CHD8: variants seen among roughly 807,000 people sequenced by gnomAD.
The protein encoded by CHD8 is ATP-dependent chromatin remodeler CHD8.
Under a neutral mutation model 279.2 loss-of-function variants are expected in CHD8, and 31 were observed. The ratio of observed to expected loss-of-function variants is 0.11; its 90% CI spans 0.08 to 0.15. CHD8 has a LOEUF of 0.15. Among genes scored for constraint, CHD8 ranks in the 10% least tolerant of loss-of-function variants. The pLI, the probability that CHD8 is intolerant of heterozygous loss-of-function variation, is 1.00. For synonymous variants in CHD8, 1,081 were observed against 1,139.6 expected (o/e 0.95, Z 1.04); for missense variants, 2,146 against 3,230.5 (o/e 0.66, Z 8.14).
intron 1 of CHD8, among the ~76,000 whole-genome samples, chr14:21,439,258 A>AT (rs1889896892): frequency 6.6e-6 from 1 of 152,150 alleles, no homozygotes. Flanking sequence ...TAGATGTCTT[A>AT]TTTTTTAAAG....
intron 1 of CHD8, among the ~76,000 whole-genome samples, chr14:21,455,738 T>C (rs1342040147): frequency 6.6e-6 from 1 of 151,850 alleles, no homozygotes; most frequent in African/African-American, 2.4e-5. Flanking sequence ...CAATCTACAC[T>C]ACGCCCAGTA....
chr14:21,437,061 CG>C, intron 1 of CHD8: 6 of 117,558 alleles, frequency 5.1e-5, no homozygotes, highest in Admixed American at 3.5e-4. Flanking sequence ...CGGGAAGATG[CG>C]GGGGGTGGGG....
In CHD8 at chr14:21,412,917, C is replaced by T. The variant is rs1245523959; in HGVS notation, c.2222G>A (p.Gly741Glu). ...CTCCATGCCTCAACAACTCACCTCC[C>T]CATTGTCCTTGTCAATACTGTGAGA... Reference protein sequence around the residue: ...DESHSIDKDNGEPVIYYLVKW... With the variant: ...DESHSIDKDNEEPVIYYLVKW... The change falls in exon 10 of 38, where the codon GGG becomes GAG. Residue 741 changes from glycine to glutamate, a missense_variant. Gly to Glu is a moderately conservative substitution (Grantham distance 98). Coordinates refer to ENST00000646647, the MANE Select transcript of CHD8 (RefSeq NM_001170629.2). The T allele has an allele frequency of 6.3e-7, 1 of 1,593,624 alleles. No individual in the cohort carries two copies. Among genetic ancestry groups the T allele is most frequent in the Non-Finnish European group, 8.6e-7 (1 of 1,161,612 alleles).
rs2139478465 is a variant in CHD8, at chr14:21,406,904, C to T, written c.2859G>A (p.Leu953=). 1 of 1,613,644 alleles carries T rather than the reference C, an allele frequency of 6.2e-7. No individual in the cohort carries two copies. Among genetic ancestry groups the T allele is most frequent in the Non-Finnish European group, 8.5e-7 (1 of 1,179,778 alleles). ...CAAGCAGCTTGCAATTACGGTTTTTCAGTCGATGGGCTTCATCAATGATAA... is the reference window on the plus strand; with the variant it reads ...CAAGCAGCTTGCAATTACGGTTTTTTAGTCGATGGGCTTCATCAATGATAA... The part of the protein sequence containing the change: ...RCVIIDEAHR[L]KNRNCKLLDS... Residue 953 remains leucine, a synonymous_variant, in exon 14 of 38, where the codon CTG becomes CTA. Transcript: ENST00000646647.
rs2139452343 is a variant in CHD8, at chr14:21,395,858, A to G, written c.5086T>C (p.Tyr1696His). Residue 1696 changes from tyrosine (Y) to histidine (H), a missense_variant, in exon 28 of 38, where the codon TAT becomes CAT. Physicochemically the swap from Tyr to His is moderately conservative, Grantham distance 83. Coordinates refer to ENST00000646647, the MANE Select transcript of CHD8 (RefSeq NM_001170629.2). ...DFDKDCEDPE[Y>H]KPLQGPPKDQ... ...TTTGGGGGACCTTGGAGTGGTTTATATTCAGGATCTTCACAATCTTTATCA... is the reference window on the plus strand; with the variant it reads ...TTTGGGGGACCTTGGAGTGGTTTATGTTCAGGATCTTCACAATCTTTATCA... 6.2e-7 allele frequency: 1 copy of G among 1,612,320 alleles called. No homozygotes were observed. Among genetic ancestry groups the G allele is most frequent in the Middle Eastern group, 1.7e-4 (1 of 6,052 alleles).
At chr14:21,401,839 G>A in intron 20 of CHD8, 118 bp downstream of exon 20, 4 of 954,768 alleles carry the variant, frequency 4.2e-6, no homozygotes, top group Non-Finnish European at 6.3e-6. Flanking sequence ...GCCCGCCTCA[G>A]CCTCCCAAAG....
At chr14:21,406,231 G>A (rs750907558) in intron 14 of CHD8, among the ~76,000 whole-genome samples, 4 of 152,134 alleles carry the variant, frequency 2.6e-5, no homozygotes, top group Non-Finnish European at 4.4e-5. Flanking sequence ...GATTAAATAT[G>A]GTCATTAATT....
At chr14:21,446,867 C>G (rs1041641531) in intron 1 of CHD8, among the ~76,000 whole-genome samples, 2 of 152,188 alleles carry the variant, frequency 1.3e-5, no homozygotes, top group South Asian at 4.1e-4. Flanking sequence ...GATTGAATAA[C>G]TGATTATATA....
chr14:21,431,426 G>C lies in CHD8; in HGVS notation c.218C>G (p.Thr73Arg). The change falls in exon 2 of 38, where the codon ACA becomes AGA. Residue 73 changes from threonine (T) to arginine (R), a missense_variant. This residue lies in a region of CHD8 where 302 missense variants were observed against 325.5 expected (regional missense o/e 0.93). Coordinates refer to ENST00000646647, the MANE Select transcript of CHD8 (RefSeq NM_001170629.2). ...TTCTTTGGAAAGTTCTGTGGGAGCTGTTTCCTCTGGTGGAGGGACCAGTTC... is the reference window on the plus strand; with the variant it reads ...TTCTTTGGAAAGTTCTGTGGGAGCTCTTTCCTCTGGTGGAGGGACCAGTTC... The part of the protein sequence containing the change: ...ASELVPPPEE[T>R]APTELSKEST... 1 of 1,537,220 alleles carries C rather than the reference G, an allele frequency of 6.5e-7. No individual in the cohort carries two copies. The highest frequency in any genetic ancestry group is 1.4e-5 in the African/African-American group (1 of 73,150).
intron 14 of CHD8, 90 bp downstream of exon 14, chr14:21,406,766 T>G: frequency 8.4e-7 from 1 of 1,188,856 alleles, no homozygotes; most frequent in Non-Finnish European, 1.2e-6. Context: ...TTCAGACTTT[T>G]CTTCTCTGCT....
At chr14:21,441,775 G>A (rs186363984) in intron 1 of CHD8, among the ~76,000 whole-genome samples, 48 of 152,292 alleles carry the variant, frequency 3.2e-4, no homozygotes, top group Admixed American at 2.4e-3. Context: ...TGTAGTCCCA[G>A]CTACTAGGGA....
At chr14:21,424,250 T>C (rs1889195279) in intron 5 of CHD8, among the ~76,000 whole-genome samples, 1 of 152,202 alleles carries the variant, frequency 6.6e-6, no homozygotes, top group Non-Finnish European at 1.5e-5. Context: ...GCTGTCCCAA[T>C]TTATTGAATA....
At chr14:21,432,637 A>ATT (rs1166326784) in intron 1 of CHD8, among the ~76,000 whole-genome samples, 1 of 152,158 alleles carries the variant, frequency 6.6e-6, no homozygotes, top group Non-Finnish European at 1.5e-5. Flanking sequence ...TTTGCTTATG[A>ATT]TGCTGTGCTT....
Position 21,454,473 on chromosome 14 carries a change from A to G in CHD8, c.-216+1559T>C, listed in dbSNP as rs1021874762. Among the ~76,000 whole-genome samples, 20 of 152,114 alleles carry G rather than the reference A, an allele frequency of 1.3e-4. 1 individual carries two copies. The highest frequency in any genetic ancestry group is 1.2e-3 in the Admixed American group (19 of 15,270). On this transcript the variant is annotated intron_variant, in intron 1 of 37. Transcript: ENST00000646647. Reference sequence around the variant, plus strand: ...GCTGGGACTACAGGCACGCGTCACCATGCCCGGCTAATTTTTTTTTGTATT... The same window carrying G: ...GCTGGGACTACAGGCACGCGTCACCGTGCCCGGCTAATTTTTTTTTGTATT...
intron 7 of CHD8, chr14:21,415,344 A>G: frequency 3.0e-6 from 1 of 329,726 alleles, no homozygotes; most frequent in Admixed American, 4.5e-5. Context: ...TAATATTAAG[A>G]TAGAGAAAAG....
chr14:21,415,078 T>C (rs1888656024), intron 7 of CHD8, 85 bp from the exon 8 acceptor site: 3 of 837,858 alleles, frequency 3.6e-6, no homozygotes, highest in African/African-American at 3.4e-5. Flanking sequence ...TTGCAGAACT[T>C]CATACCAATA....
chr14:21,441,092 G>A (rs1223770332), intron 1 of CHD8, among the ~76,000 whole-genome samples: 1 of 152,192 alleles, frequency 6.6e-6, no homozygotes, highest in Admixed American at 6.5e-5. Flanking sequence ...GCTAGTTTAA[G>A]TGGATACTCC....
Position 21,387,040 on chromosome 14 carries a change from G to C in CHD8, c.7183-864C>G, listed in dbSNP as rs201556567. Among the ~76,000 whole-genome samples, 13 of 152,234 alleles carry C rather than the reference G, an allele frequency of 8.5e-5. No homozygotes were observed. The East Asian group carries it at 2.5e-3, about 29-fold the overall frequency. ...CACTAAATTTAATAAAATAATTTTTGTTCCACATTGATAAAAAACTTACAT... is the reference window on the plus strand; with the variant it reads ...CACTAAATTTAATAAAATAATTTTTCTTCCACATTGATAAAAAACTTACAT... On this transcript the variant is annotated intron_variant, in intron 37 of 37. Transcript: ENST00000646647.
intron 1 of CHD8, among the ~76,000 whole-genome samples, chr14:21,442,841 AG>A (rs1437407526): frequency 7.2e-6 from 1 of 139,538 alleles, no homozygotes; most frequent in African/African-American, 2.7e-5. Context: ...GAGGGGAGAA[AG>A]GAAAGAAAGG....
Sources: gnomAD v4.1 joint callset for allele counts (sites outside exome capture counted in the v4.1 genomes callset) on GRCh38, gnomAD v4.1.1 for gene constraint, gnomAD v4.1.1 regional missense constraint, MANE v1.5 for transcripts, NCBI Gene and HGNC (gene_info 2026-07-23, HGNC 2026-07-21) for gene names.